MAT2A: variants seen among roughly 807,000 people sequenced by gnomAD.
MAT2A encodes methionine adenosyltransferase 2A, also known as S-adenosylmethionine synthase isoform type-2.
A neutral mutation model predicts 43.9 loss-of-function variants in MAT2A; 3 were observed. The ratio of observed to expected loss-of-function variants is 0.07; its 90% CI spans 0.03 to 0.18. The LOEUF is 0.18. Among genes scored for constraint, MAT2A ranks in the 10% least tolerant of loss-of-function variants. The pLI is 1.00. For missense variants in MAT2A, 204 were observed against 489.0 expected, an observed-to-expected ratio of 0.42 and a Z score of 5.50; for synonymous variants, 200 against 168.4, an observed-to-expected ratio of 1.19 and a Z score of -1.45.
chr2:85,540,070 G>T (rs1691427390), intron 1 of MAT2A: 1 of 152,286 alleles, frequency 6.6e-6, no homozygotes, highest in Non-Finnish European at 1.5e-5. Flanking sequence ...TTGTGAAAAG[G>T]ATGGGAAGCA....
Position 85,543,016 on chromosome 2 carries a change from G to A in MAT2A, c.1067G>A (p.Arg356His). ...ATTGTGAAGAAGAATTTCGATCTCC[G>A]CCCTGGGGTCATTGTCAGGTAAAGA... Reference protein sequence around the residue: ...LEIVKKNFDLRPGVIVRDLDL... With the variant: ...LEIVKKNFDLHPGVIVRDLDL... The change falls in exon 8 of 9, where the codon CGC becomes CAC. Residue 356 changes from arginine (R) to histidine (H), a missense_variant. This residue lies in a region of MAT2A where 45 missense variants were observed against 106.8 expected (regional missense o/e 0.42). Coordinates refer to ENST00000306434, the MANE Select transcript of MAT2A (RefSeq NM_005911.6). 1 of 1,612,590 alleles carries A rather than the reference G, an allele frequency of 6.2e-7. No individual in the cohort carries two copies. Among genetic ancestry groups the A allele is most frequent in the Non-Finnish European group, 8.5e-7 (1 of 1,179,944 alleles).
chr2:85,540,293 A>G (rs1186836473), intron 1 of MAT2A, among the ~76,000 whole-genome samples: 1 of 152,134 alleles, frequency 6.6e-6, no homozygotes, highest in Non-Finnish European at 1.5e-5. Flanking sequence ...TGCCCTTAGG[A>G]TGACCGCAGT....
At chr2:85,541,208 T>A in intron 2 of MAT2A, 47 bp from the exon 3 acceptor site, 8 of 1,612,018 alleles carry the variant, frequency 5.0e-6, no homozygotes, top group Non-Finnish European at 6.8e-6. Flanking sequence ...AGCATAAAAA[T>A]TATTTTTATA....
intron 8 of MAT2A, 148 bp from the exon 9 acceptor site, chr2:85,543,522 C>A (rs1691532354): frequency 1.7e-6 from 1 of 605,324 alleles, no homozygotes; most frequent in Admixed American, 3.1e-5. Flanking sequence ...GTTTGGACAC[C>A]AGGGAAGTAA....
At chr2:85,539,811 G>A (rs1691416272) in intron 1 of MAT2A, 2 of 158,270 alleles carry the variant, frequency 1.3e-5, no homozygotes, top group Non-Finnish European at 2.8e-5. Flanking sequence ...CGGCGACCAC[G>A]TGTTTGCCGC....
At chr2:85,539,660 GC>G (rs1403620290) in intron 1 of MAT2A, 1 of 298,052 alleles carries the variant, frequency 3.4e-6, no homozygotes, top group East Asian at 7.8e-5. Context: ...AAGGGCGGGG[GC>G]TGTGGTCGCT....
At chr2:85,540,711 T>A (rs938186786) in intron 1 of MAT2A, among the ~76,000 whole-genome samples, 2 of 152,222 alleles carry the variant, frequency 1.3e-5, no homozygotes, top group African/African-American at 4.8e-5. Flanking sequence ...AATTGTTTAA[T>A]CGAATTATCT....
intron 5 of MAT2A, 35 bp downstream of exon 5, chr2:85,542,007 T>C: frequency 1.2e-6 from 2 of 1,605,774 alleles, no homozygotes; most frequent in Non-Finnish European, 8.5e-7. Flanking sequence ...TTGTCTCATT[T>C]ATTACATCAG....
At chr2:85,542,822 A>T in intron 7 of MAT2A, 75 bp downstream of exon 7, 1 of 1,560,324 alleles carries the variant, frequency 6.4e-7, no homozygotes, top group Non-Finnish European at 8.7e-7. Flanking sequence ...CTACTTAACT[A>T]CTTGTTTTAT....
chr2:85,541,185 C>A, intron 2 of MAT2A, 25 bp downstream of exon 2: 1 of 1,612,734 alleles, frequency 6.2e-7, no homozygotes, highest in African/African-American at 1.3e-5. Flanking sequence ...TGCTTATCAA[C>A]TGGTGGAAAG....
Position 85,542,265 on chromosome 2 carries a change from T to A in MAT2A, c.660T>A (p.Asp220Glu). Reference sequence around the variant, plus strand: ...AGGTTTGTCTTGATGAAATGAGGGATGCCCTAAAGGAGAAAGTCATCAAAG... The same window carrying A: ...AGGTTTGTCTTGATGAAATGAGGGAAGCCCTAAAGGAGAAAGTCATCAAAG... ...DEEVCLDEMRDALKEKVIKAV... is the reference protein window; with the variant it reads ...DEEVCLDEMREALKEKVIKAV... Residue 220 changes from aspartate to glutamate, a missense_variant, in exon 6 of 9, where the codon GAT becomes GAA. By Grantham distance (45) the Asp-to-Glu change is conservative (BLOSUM62 2). Around this residue, in one of 6 missense-constraint regions of MAT2A, gnomAD observed 103 missense variants for 226.4 expected, o/e 0.45. Coordinates refer to ENST00000306434, the MANE Select transcript of MAT2A (RefSeq NM_005911.6). The A allele has an allele frequency of 6.2e-7, 1 of 1,614,044 alleles. No individual in the cohort carries two copies. The highest frequency in any genetic ancestry group is 8.5e-7 in the Non-Finnish European group (1 of 1,179,898).
At chr2:85,541,474 T>C in intron 3 of MAT2A, 97 bp downstream of exon 3, 1 of 1,444,714 alleles carries the variant, frequency 6.9e-7, no homozygotes, top group South Asian at 1.3e-5. Flanking sequence ...ACTCCAGTTG[T>C]ATCTTACTAT....
Position 85,539,197 on chromosome 2 carries a change from G to C in MAT2A, c.-91G>C, listed in dbSNP as rs957613195. 3 of 926,770 alleles carry C rather than the reference G, an allele frequency of 3.2e-6. No homozygotes were observed. The highest frequency in any genetic ancestry group is 2.9e-5 in the East Asian group (1 of 34,684). The allele number at this position is 926,770 out of a possible 1,614,324, so 57.4% of individuals were successfully genotyped here. ...GCTCCGCGCCGCCCGCCTGCTACGA[G>C]TAGAACGCTGTCCGCAGCTTGCGCA... On this transcript the variant is annotated 5_prime_UTR_variant, in exon 1 of 9. Coordinates refer to ENST00000306434, the MANE Select transcript of MAT2A (RefSeq NM_005911.6).
chr2:85,540,729 C>T (rs1418751016), intron 1 of MAT2A, among the ~76,000 whole-genome samples: 1 of 152,176 alleles, frequency 6.6e-6, no homozygotes, highest in Non-Finnish European at 1.5e-5. Flanking sequence ...TCTTGTTGCT[C>T]ATTATAATTG....
intron 7 of MAT2A, 23 bp from the exon 8 acceptor site, chr2:85,542,878 T>G: frequency 1.9e-6 from 3 of 1,606,326 alleles, no homozygotes; most frequent in Non-Finnish European, 2.5e-6. Context: ...TCACTGATTC[T>G]TACGACATTT....
rs777357586 is a variant in MAT2A, at chr2:85,542,666, C to T, written c.870C>T (p.Val290=). The part of the protein sequence containing the change: ...GAFSGKDYTK[V]DRSAAYAARW... ...TTTCAGGAAAGGATTATACCAAGGT[C>T]GACCGTTCAGCTGCTTATGCTGCTC... The change falls in exon 7 of 9, where the codon GTC becomes GTT. Residue 290 remains valine (V), a synonymous_variant. Coordinates refer to ENST00000306434, the MANE Select transcript of MAT2A (RefSeq NM_005911.6). 16 of 1,613,518 alleles carry T rather than the reference C, an allele frequency of 9.9e-6. No individual in the cohort carries two copies. The highest frequency in any genetic ancestry group is 5.5e-5 in the South Asian group (5 of 91,068).
At chr2:85,539,595 C>T (rs1278496672) in intron 1 of MAT2A, 13 of 435,010 alleles carry the variant, frequency 3.0e-5, no homozygotes, top group South Asian at 2.2e-4. Context: ...TCCCTTCCCC[C>T]CTCCCTTTTC....
rs370477461 is a variant in MAT2A, at chr2:85,542,897, T to C, written c.952-4T>C. 8.7e-6 allele frequency: 14 copies of C among 1,611,698 alleles called. No homozygotes were observed. Among genetic ancestry groups the C allele is most frequent in the Non-Finnish European group, 1.0e-5 (12 of 1,179,242 alleles). ...TGATTCTTACGACATTTGAATCCTT[T>C]TAGGTCTCTTATGCTATTGGAGTTT... On this transcript the variant is annotated splice_polypyrimidine_tract_variant and splice_region_variant and intron_variant, in intron 7 of 8. Transcript: ENST00000306434.
chr2:85,543,129 A>G, intron 8 of MAT2A, 95 bp downstream of exon 8: 1 of 1,298,460 alleles, frequency 7.7e-7, no homozygotes, highest in Non-Finnish European at 1.1e-6. Flanking sequence ...GTGAAGGAAG[A>G]CTCCTCAAAT....
Sources: allele counts gnomAD v4.1 joint callset (sites outside exome capture counted in the v4.1 genomes callset), GRCh38; gene constraint gnomAD v4.1.1; regional missense constraint gnomAD v4.1.1; transcripts MANE v1.5; gene names NCBI Gene and HGNC (gene_info 2026-07-23, HGNC 2026-07-21).